The following HUNK variants were observed in gnomAD, a reference collection of about 807,000 sequenced individuals.
The protein encoded by HUNK is hormonally up-regulated neu tumor-associated kinase.
HUNK carries 21 observed loss-of-function variants against 61.0 expected under a neutral mutation model. The ratio of observed to expected loss-of-function variants is 0.34; its 90% CI spans 0.24 to 0.50. The LOEUF (loss-of-function observed/expected upper bound fraction) is 0.50. Ranked by LOEUF, HUNK falls within the 20% of genes least tolerant of loss-of-function variation. HUNK has a pLI of 0.98. For missense variants in HUNK, 772 were observed against 945.7 expected (o/e 0.82, Z 2.41); for synonymous variants, 371 against 386.1 (o/e 0.96, Z 0.46).
At chr21:31,875,469 C>A (rs1046864745) in intron 1 of HUNK, among the ~76,000 whole-genome samples, 1 of 152,104 alleles carries the variant, frequency 6.6e-6, no homozygotes, top group Non-Finnish European at 1.5e-5. Context: ...AAAAAAGGAG[C>A]GTTCAGTATG....
chr21:31,957,833 G>A, intron 4 of HUNK, among the ~76,000 whole-genome samples: 1 of 152,140 alleles, frequency 6.6e-6, no homozygotes, highest in East Asian at 1.9e-4. Context: ...AATCAGGGCA[G>A]GAAGGAAGGG....
chr21:31,929,711 T>G (rs564098927), intron 2 of HUNK, among the ~76,000 whole-genome samples: 1 of 152,310 alleles, frequency 6.6e-6, no homozygotes, highest in Non-Finnish European at 1.5e-5. Flanking sequence ...AAGAGACACA[T>G]GATCAAAGGG....
intron 6 of HUNK, among the ~76,000 whole-genome samples, chr21:31,973,077 G>T (rs989028708): frequency 3.9e-5 from 6 of 152,002 alleles, no homozygotes; most frequent in Admixed American, 1.3e-4. Context: ...GAGGCTAGTG[G>T]CTCTCCAGCC....
chr21:31,923,747 G>C (rs971859821), intron 1 of HUNK, among the ~76,000 whole-genome samples: 1 of 151,928 alleles, frequency 6.6e-6, no homozygotes, highest in South Asian at 2.1e-4. Context: ...CCCTCCCACC[G>C]TACCTCTTAT....
intron 4 of HUNK, among the ~76,000 whole-genome samples, chr21:31,954,055 T>C (rs2052871047): frequency 6.6e-6 from 1 of 152,164 alleles, no homozygotes; most frequent in Admixed American, 6.5e-5. Flanking sequence ...AGCCAGTTGG[T>C]GACAAGAAGG....
chr21:31,965,838 G>A (rs554631530), intron 5 of HUNK, among the ~76,000 whole-genome samples: 27 of 152,184 alleles, frequency 1.8e-4, no homozygotes, highest in African/African-American at 6.5e-4. Flanking sequence ...CTGACCTCAG[G>A]TGATCCACTC....
At chr21:31,908,012 G>A (rs2052518707) in intron 1 of HUNK, among the ~76,000 whole-genome samples, 1 of 151,724 alleles carries the variant, frequency 6.6e-6, no homozygotes, top group African/African-American at 2.4e-5. Context: ...AAAATGGTGA[G>A]GACAGTAACT....
chr21:31,914,806 C>T (rs2052570785), intron 1 of HUNK, among the ~76,000 whole-genome samples: 1 of 152,080 alleles, frequency 6.6e-6, no homozygotes, highest in Non-Finnish European at 1.5e-5. Flanking sequence ...GGATTAGAGC[C>T]CCACTCTAAT....
intron 8 of HUNK, among the ~76,000 whole-genome samples, chr21:31,988,412 G>A (rs980578883): frequency 2.0e-5 from 3 of 152,162 alleles, no homozygotes; most frequent in Admixed American, 6.5e-5. Context: ...TAATGTTGGC[G>A]TTTTGGAAGA....
intron 10 of HUNK, among the ~76,000 whole-genome samples, chr21:31,997,306 G>C (rs2053212605): frequency 6.6e-6 from 1 of 152,198 alleles, no homozygotes; most frequent in African/African-American, 2.4e-5. Flanking sequence ...GAAACCATGG[G>C]GATCTGGCAG....
intron 1 of HUNK, among the ~76,000 whole-genome samples, chr21:31,887,777 C>T (rs538550599): frequency 1.3e-5 from 2 of 152,252 alleles, no homozygotes; most frequent in African/African-American, 4.8e-5. Context: ...CGGGGAGCCT[C>T]GCCAGCTCTG....
At chr21:31,895,976 T>C (rs1164559138) in intron 1 of HUNK, among the ~76,000 whole-genome samples, 1 of 152,198 alleles carries the variant, frequency 6.6e-6, no homozygotes, top group East Asian at 1.9e-4. Context: ...AATGAGGTTA[T>C]CTGGATAGGC....
intron 4 of HUNK, among the ~76,000 whole-genome samples, chr21:31,956,616 C>T (rs1345173306): frequency 6.6e-6 from 1 of 152,160 alleles, no homozygotes; most frequent in East Asian, 1.9e-4. Flanking sequence ...TCCTCAGTAC[C>T]ATTCTGTTAC....
intron 1 of HUNK, among the ~76,000 whole-genome samples, chr21:31,908,705 C>T (rs1191845512): frequency 1.3e-5 from 2 of 152,020 alleles, no homozygotes; most frequent in African/African-American, 2.4e-5. Flanking sequence ...TTTTTTGGAT[C>T]CCGTGGATCT....
At chr21:31,920,665 C>T (rs1215561724) in intron 1 of HUNK, among the ~76,000 whole-genome samples, 3 of 152,132 alleles carry the variant, frequency 2.0e-5, no homozygotes, top group Non-Finnish European at 4.4e-5. Flanking sequence ...CTACTTGGGG[C>T]CAGACACAGC....
chr21:31,949,426 A>G (rs2052833438), intron 4 of HUNK, among the ~76,000 whole-genome samples: 1 of 152,192 alleles, frequency 6.6e-6, no homozygotes. Flanking sequence ...TCCAACCCTT[A>G]AGAACTCTCA....
At chr21:31,953,590 T>C (rs920189842) in intron 4 of HUNK, among the ~76,000 whole-genome samples, 1 of 152,224 alleles carries the variant, frequency 6.6e-6, no homozygotes, top group Non-Finnish European at 1.5e-5. Flanking sequence ...TTTTTCCCTC[T>C]TATTTTAAGA....
At chr21:31,997,748 T>G (rs937461838) in intron 10 of HUNK, among the ~76,000 whole-genome samples, 1 of 152,178 alleles carries the variant, frequency 6.6e-6, no homozygotes, top group African/African-American at 2.4e-5. Flanking sequence ...AATAAATTTT[T>G]TAAATGTCAC....
At chr21:31,984,179 T>C (rs915470949) in intron 8 of HUNK, among the ~76,000 whole-genome samples, 3 of 152,034 alleles carry the variant, frequency 2.0e-5, no homozygotes, top group African/African-American at 7.3e-5. Context: ...CACTGTAGGG[T>C]GACTATAGTT....
Sources: allele counts gnomAD v4.1 joint callset (sites outside exome capture counted in the v4.1 genomes callset), GRCh38; gene constraint gnomAD v4.1.1; transcripts MANE v1.5; gene names NCBI Gene and HGNC (gene_info 2026-07-23, HGNC 2026-07-21).